The following EML4 variants were observed in gnomAD, a reference collection of about 807,000 sequenced individuals.
EML4 encodes EMAP like 4, also known as echinoderm microtubule-associated protein-like 4.
Under a neutral mutation model 129.0 loss-of-function variants are expected in EML4, and 72 were observed. The observed-to-expected ratio is 0.56, with a 90% CI of 0.46 to 0.68. EML4 has a LOEUF of 0.68. EML4 is among the 30% of genes least tolerant of loss of function. The probability of loss-of-function intolerance (pLI) is 0.00; values close to 1 mark genes in which losing one functional copy is unlikely to be tolerated. For synonymous variants in EML4, 532 were observed against 405.0 expected, an observed-to-expected ratio of 1.31 and a Z score of -3.77; for missense variants, 1,363 against 1,190.6, an observed-to-expected ratio of 1.14 and a Z score of -2.13.
At chr2:42,228,844 A>G (rs930998625) in intron 1 of EML4, among the ~76,000 whole-genome samples, 1 of 152,242 alleles carries the variant, frequency 6.6e-6, no homozygotes, top group Admixed American at 6.5e-5. Flanking sequence ...AATCCTAACA[A>G]TGCATGGTAT....
chr2:42,215,595 G>C (rs1249192376), intron 1 of EML4, among the ~76,000 whole-genome samples: 1 of 151,724 alleles, frequency 6.6e-6, no homozygotes, highest in African/African-American at 2.4e-5. Context: ...CTACCACTAA[G>C]ATTCTGTAAT....
intron 5 of EML4, 147 bp downstream of exon 5, chr2:42,263,453 G>C (rs1342165160): frequency 2.7e-6 from 2 of 735,864 alleles, no homozygotes; most frequent in Non-Finnish European, 3.9e-6. Flanking sequence ...TCGCCAGGCT[G>C]GAGTGCAGTG....
At chr2:42,195,087 A>G (rs924005485) in intron 1 of EML4, among the ~76,000 whole-genome samples, 2 of 152,102 alleles carry the variant, frequency 1.3e-5, no homozygotes, top group Non-Finnish European at 2.9e-5. Flanking sequence ...TAGAAGCTGT[A>G]TTTTTTTAGG....
rs1667421041 is a variant in EML4 at position 42,288,216 on chromosome 2, CTT to C, written c.1123-8_1123-7del. The C allele has an allele frequency of 8.1e-7, 1 of 1,232,380 alleles. No homozygotes were observed. The highest frequency in any genetic ancestry group is 1.5e-5 in the African/African-American group (1 of 65,864). The allele number at this position is 1,232,380 out of a possible 1,614,324, so 76.3% of individuals were successfully genotyped here. A position where few individuals can be genotyped will look rare whatever the true frequency, so the allele number is the denominator to read the frequency against. ...TGAATTTTAAAATGCCTCTGATTGACTTTTCTTTAGGATTCAGGTGTTCATTT... is the reference window on the plus strand; with the variant it reads ...TGAATTTTAAAATGCCTCTGATTGACTTCTTTAGGATTCAGGTGTTCATTT... On this transcript the variant is annotated splice_polypyrimidine_tract_variant and intron_variant, in intron 10 of 22. Coordinates refer to ENST00000318522, the MANE Select transcript of EML4 (RefSeq NM_019063.5).
chr2:42,315,373 G>GT (rs1030520303), intron 17 of EML4, among the ~76,000 whole-genome samples: 9 of 152,110 alleles, frequency 5.9e-5, no homozygotes, highest in Admixed American at 2.6e-4. Flanking sequence ...CACTGATCCT[G>GT]TATTTCTGTT....
intron 7 of EML4, among the ~76,000 whole-genome samples, chr2:42,282,579 G>A (rs371328523): frequency 6.6e-6 from 1 of 151,898 alleles, no homozygotes; most frequent in East Asian, 1.9e-4. Flanking sequence ...ATTTTCTGTC[G>A]AGATGGGGTC....
chr2:42,173,841 C>A (rs904800447), intron 1 of EML4, among the ~76,000 whole-genome samples: 1 of 151,952 alleles, frequency 6.6e-6, no homozygotes, highest in African/African-American at 2.4e-5. Flanking sequence ...ACCTCTGCCT[C>A]TAAAAAATAA....
intron 1 of EML4, among the ~76,000 whole-genome samples, chr2:42,176,480 C>G (rs1466323867): frequency 1.3e-5 from 2 of 152,198 alleles, no homozygotes; most frequent in Non-Finnish European, 2.9e-5. Flanking sequence ...CTCAAGTCCT[C>G]TGTCATCTCT....
intron 1 of EML4, among the ~76,000 whole-genome samples, chr2:42,172,312 A>G (rs948575271): frequency 1.3e-5 from 2 of 152,208 alleles, no homozygotes; most frequent in African/African-American, 4.8e-5. Flanking sequence ...TTAAAATTCA[A>G]ACTGTACCCT....
At chr2:42,313,880 A>C (rs2103778543) in intron 17 of EML4, among the ~76,000 whole-genome samples, 1 of 151,860 alleles carries the variant, frequency 6.6e-6, no homozygotes, top group Non-Finnish European at 1.5e-5. Context: ...GTGAGCCGAG[A>C]TAGTGCCACA....
At chr2:42,287,251 A>C (rs1303624229) in intron 10 of EML4, among the ~76,000 whole-genome samples, 1 of 152,168 alleles carries the variant, frequency 6.6e-6, no homozygotes, top group Non-Finnish European at 1.5e-5. Flanking sequence ...GAAGGCACTG[A>C]ATGTCAAGGG....
chr2:42,278,155 C>T (rs1361135670), intron 6 of EML4, among the ~76,000 whole-genome samples: 1 of 152,174 alleles, frequency 6.6e-6, no homozygotes, highest in African/African-American at 2.4e-5. Flanking sequence ...CCTTTAGCTC[C>T]TTTTGTAACC....
chr2:42,246,008 G>A (rs1210495546), intron 2 of EML4, among the ~76,000 whole-genome samples: 1 of 152,026 alleles, frequency 6.6e-6, no homozygotes, highest in Admixed American at 6.5e-5. Flanking sequence ...ATTTCATATT[G>A]AACATAGGTG....
intron 1 of EML4, among the ~76,000 whole-genome samples, chr2:42,242,662 T>C (rs1675113292): frequency 6.6e-6 from 1 of 151,508 alleles, no homozygotes; most frequent in African/African-American, 2.4e-5. Flanking sequence ...TCCCTCCCTC[T>C]CTCCTTTCCT....
In EML4 at chr2:42,256,603, A is replaced by C. The variant is rs774073765; in HGVS notation, c.311A>C (p.Lys104Thr). The C allele has an allele frequency of 1.9e-6, 3 of 1,613,892 alleles. No individual in the cohort carries two copies. The highest frequency in any genetic ancestry group is 2.5e-6 in the Non-Finnish European group (3 of 1,179,832). Residue 104 changes from lysine (K) to threonine (T), a missense_variant, in exon 3 of 23, where the codon AAA becomes ACA. Physicochemically the swap from Lys to Thr is moderately conservative, Grantham distance 78. Transcript: ENST00000318522. ...ACCAGTGCTGTCTCAATTGCAGGAA[A>C]AGAAACTCTTTCATCTGCTGCTAAA... is the stretch of plus-strand genomic sequence containing the variant. ...SHTSAVSIAGKETLSSAAKSG... is the reference protein window; with the variant it reads ...SHTSAVSIAGTETLSSAAKSG...
intron 17 of EML4, among the ~76,000 whole-genome samples, chr2:42,307,571 T>C (rs538411729): frequency 1.3e-5 from 2 of 152,366 alleles, no homozygotes; most frequent in South Asian, 4.1e-4. Context: ...AATGGAAAAA[T>C]CTTAATGTAG....
chr2:42,268,868 A>T (rs1489735079), intron 6 of EML4, among the ~76,000 whole-genome samples: 1 of 152,190 alleles, frequency 6.6e-6, no homozygotes, highest in Non-Finnish European at 1.5e-5. Context: ...TAGAACTTCA[A>T]ACTAGGCCTG....
intron 6 of EML4, among the ~76,000 whole-genome samples, chr2:42,271,411 G>A (rs535503373): frequency 1.4e-5 from 2 of 141,850 alleles, no homozygotes; most frequent in Non-Finnish European, 3.2e-5. Flanking sequence ...CTCTGTTGGA[G>A]ATTTTTTTTT....
chr2:42,322,188 TAGAG>T (rs1177203332), intron 19 of EML4, among the ~76,000 whole-genome samples: 1 of 152,222 alleles, frequency 6.6e-6, no homozygotes, highest in Non-Finnish European at 1.5e-5. Flanking sequence ...TTCAAATCAG[TAGAG>T]AAAGAATAGA....
Sources: allele counts gnomAD v4.1 joint callset (sites outside exome capture counted in the v4.1 genomes callset), GRCh38; gene constraint gnomAD v4.1.1; transcripts MANE v1.5; gene names NCBI Gene and HGNC (gene_info 2026-07-23, HGNC 2026-07-21).